The following RASSF4 variants were observed in gnomAD, a reference collection of about 807,000 sequenced individuals.
RASSF4 encodes ras association domain-containing protein 4.
A neutral mutation model predicts 41.1 loss-of-function variants in RASSF4; 38 were observed. That is an observed-to-expected ratio of 0.92 (90% CI 0.71 to 1.21). The LOEUF (loss-of-function observed/expected upper bound fraction) is 1.21. Among genes scored for constraint, RASSF4 ranks in the 50% most tolerant of loss-of-function variants. The pLI, the probability that RASSF4 is intolerant of heterozygous loss-of-function variation, is 0.00. For synonymous variants in RASSF4, 179 were observed against 163.4 expected (o/e 1.10, Z -0.73); for missense variants, 414 against 419.4 (o/e 0.99, Z 0.11).
At position 44,991,898 on chromosome 10, in the gene RASSF4, T is replaced by C; in HGVS notation, c.808-7T>C. The C allele has an allele frequency of 6.3e-7, 1 of 1,595,110 alleles. No individual in the cohort carries two copies. Among genetic ancestry groups the C allele is most frequent in the African/African-American group, 1.3e-5 (1 of 74,332 alleles). On this transcript the variant is annotated splice_region_variant and splice_polypyrimidine_tract_variant and intron_variant, in intron 9 of 10. Coordinates refer to ENST00000340258, the MANE Select transcript of RASSF4 (RefSeq NM_032023.4). ...AAAGCACATTAAAATGTTCTTGGAT[T>C]TTCTAGGTCGCTCAGTACATTAAGT...
intron 1 of RASSF4, among the ~76,000 whole-genome samples, chr10:44,965,597 C>G (rs1009680533): frequency 4.6e-5 from 7 of 152,228 alleles, no homozygotes; most frequent in Admixed American, 1.3e-4. Context: ...GAGAGACTCT[C>G]TTTGTGTGGA....
At chr10:44,984,707 C>T in intron 5 of RASSF4, 106 bp from the exon 6 acceptor site, 1 of 1,260,858 alleles carries the variant, frequency 7.9e-7, no homozygotes, top group South Asian at 1.3e-5. Context: ...CCATCTGCCC[C>T]AGTGCACGTG....
intron 1 of RASSF4, among the ~76,000 whole-genome samples, chr10:44,967,767 G>A (rs953304233): frequency 5.9e-5 from 9 of 152,104 alleles, no homozygotes; most frequent in African/African-American, 1.9e-4. Flanking sequence ...AGCACCCCCC[G>A]CCCTCACCCC....
chr10:44,993,895 G>C lies in RASSF4; in HGVS notation c.*566G>C, dbSNP rs1332941496. On this transcript the variant is annotated 3_prime_UTR_variant, in exon 11 of 11. Transcript: ENST00000340258. Reference sequence around the variant, plus strand: ...CGCACAGCTCAGCCCCAACACAGAGGTGAGACCAGGAATAAGGCCACAAGT... The same window carrying C: ...CGCACAGCTCAGCCCCAACACAGAGCTGAGACCAGGAATAAGGCCACAAGT... 6.5e-6 allele frequency: 1 copy of C among 152,772 alleles called. No individual in the cohort carries two copies. The highest frequency in any genetic ancestry group is 1.5e-5 in the Non-Finnish European group (1 of 68,428). The allele number at this position is 152,772 out of a possible 1,614,324, so 9.5% of individuals were successfully genotyped here. A position where few individuals can be genotyped will look rare whatever the true frequency, so the allele number is the denominator to read the frequency against.
rs778120931 is a variant in RASSF4 at position 44,964,169 on chromosome 10, C to T, written c.-39+4303C>T. Among the ~76,000 whole-genome samples the T allele has an allele frequency of 6.6e-5, 10 of 152,274 alleles. 1 individual carries two copies. Among genetic ancestry groups the T allele is most frequent in the Non-Finnish European group, 1.3e-4 (9 of 68,056 alleles). On this transcript the variant is annotated intron_variant, in intron 1 of 10. Transcript: ENST00000340258. ...TGACAGCAGACTGTCTCTCTCTGCA[C>T]GGCTGGCAGAGCAGCTGCTGAAGTG... is the stretch of plus-strand genomic sequence containing the variant.
Position 44,993,322 on chromosome 10 carries a change from C to G in RASSF4, c.959C>G (p.Ala320Gly). ...MLQRLEQLVEAK is the reference protein window; with the variant it reads ...MLQRLEQLVEGK ...CAGCGCCTGGAGCAGCTGGTGGAGGCCAAGTAACTGGCCAACACCTGCCTC... is the reference window on the plus strand; with the variant it reads ...CAGCGCCTGGAGCAGCTGGTGGAGGGCAAGTAACTGGCCAACACCTGCCTC... Residue 320 changes from alanine (A) to glycine (G), a missense_variant, in exon 11 of 11, where the codon GCC (alanine) becomes GGC (glycine). Ala to Gly is a moderately conservative substitution (Grantham distance 60). Coordinates refer to ENST00000340258, the MANE Select transcript of RASSF4 (RefSeq NM_032023.4). 1 of 1,604,040 alleles carries G rather than the reference C, an allele frequency of 6.2e-7. No individual in the cohort carries two copies. The highest frequency in any genetic ancestry group is 8.5e-7 in the Non-Finnish European group (1 of 1,178,912).
intron 1 of RASSF4, among the ~76,000 whole-genome samples, chr10:44,961,046 G>C (rs563249697): frequency 2.0e-5 from 3 of 152,194 alleles, no homozygotes; most frequent in Non-Finnish European, 4.4e-5. Flanking sequence ...GGAGAAAGAG[G>C]AAGGGAGGGA....
chr10:44,978,015 G>C (rs575281326), intron 3 of RASSF4: 3 of 1,610,576 alleles, frequency 1.9e-6, no homozygotes, highest in Non-Finnish European at 2.5e-6. Flanking sequence ...ACGGAGAGCA[G>C]AAGCCGGGAC....
chr10:44,988,352 G>C (rs1841991875), intron 6 of RASSF4, among the ~76,000 whole-genome samples: 1 of 152,164 alleles, frequency 6.6e-6, no homozygotes, highest in Non-Finnish European at 1.5e-5. Context: ...CACAGCTAGG[G>C]TTTATTGAGG....
rs1202092923 is a variant in RASSF4, at chr10:44,995,394, T to G, written c.*2065T>G. 6.6e-6 allele frequency: 1 copy of G among 152,268 alleles called. No individual in the cohort carries two copies. Among genetic ancestry groups the G allele is most frequent in the Non-Finnish European group, 1.5e-5 (1 of 68,060 alleles). 9.4% of individuals were successfully genotyped at this position (152,268 alleles called of 1,614,324 possible). A position where few individuals can be genotyped will look rare whatever the true frequency, so the allele number is the denominator to read the frequency against. On this transcript the variant is annotated 3_prime_UTR_variant, in exon 11 of 11. Transcript: ENST00000340258. ...GTGCATGTGGCGTCACAGGCCAAGA[T>G]GCACCTGCCAGCTAGGAGCAGGCCA...
chr10:44,974,836 A>C (rs1841335812), intron 3 of RASSF4, among the ~76,000 whole-genome samples: 1 of 152,236 alleles, frequency 6.6e-6, no homozygotes, highest in Non-Finnish European at 1.5e-5. Flanking sequence ...CTGGAGGCTG[A>C]GGCGCCGACT....
chr10:44,977,676 G>A, intron 3 of RASSF4: 1 of 1,612,898 alleles, frequency 6.2e-7, no homozygotes, highest in Non-Finnish European at 8.5e-7. Context: ...AGGTCCCTCT[G>A]GCTTGGCTGC....
chr10:44,968,467 T>C (rs1052631282), intron 1 of RASSF4, among the ~76,000 whole-genome samples: 11 of 152,082 alleles, frequency 7.2e-5, no homozygotes, highest in African/African-American at 1.9e-4. Flanking sequence ...AGGGGAGGTA[T>C]GGATAGGATG....
intron 10 of RASSF4, 53 bp from the exon 11 acceptor site, chr10:44,993,216 C>G (rs1269984346): frequency 1.8e-5 from 27 of 1,536,164 alleles, no homozygotes; most frequent in Non-Finnish European, 2.2e-5. Context: ...CTGCTGCCCA[C>G]CTCCCTGCCC....
intron 3 of RASSF4, among the ~76,000 whole-genome samples, chr10:44,979,155 C>T (rs1361381382): frequency 2.0e-5 from 3 of 152,126 alleles, no homozygotes; most frequent in Non-Finnish European, 4.4e-5. Context: ...TGAAGTTGGG[C>T]CAGGTCCTTG....
chr10:44,974,861 C>A (rs1177451997), intron 3 of RASSF4, among the ~76,000 whole-genome samples: 1 of 152,240 alleles, frequency 6.6e-6, no homozygotes, highest in South Asian at 2.1e-4. Flanking sequence ...GTATCATGAA[C>A]CTCGCCTTTG....
intron 3 of RASSF4, among the ~76,000 whole-genome samples, chr10:44,980,245 A>C (rs1204602060): frequency 2.6e-5 from 4 of 152,240 alleles, no homozygotes; most frequent in African/African-American, 9.6e-5. Flanking sequence ...GACAGTGACC[A>C]GGATTTCAGT....
chr10:44,982,299 G>GC (rs1160735419), intron 3 of RASSF4: 2 of 636,752 alleles, frequency 3.1e-6, no homozygotes, highest in Non-Finnish European at 5.5e-6. Context: ...TCTGCGCTGT[G>GC]CCCCTGGCCA....
chr10:44,970,143 C>A, intron 1 of RASSF4, 22 bp from the exon 2 acceptor site: 1 of 1,463,298 alleles, frequency 6.8e-7, no homozygotes, highest in South Asian at 1.1e-5. Flanking sequence ...ACCTGTCTGT[C>A]CACCCTTCCT....
Sources: allele counts gnomAD v4.1 joint callset (sites outside exome capture counted in the v4.1 genomes callset), GRCh38; gene constraint gnomAD v4.1.1; transcripts MANE v1.5; gene names NCBI Gene and HGNC (gene_info 2026-07-23, HGNC 2026-07-21).